ARID2: variants seen among roughly 807,000 people sequenced by gnomAD.
The protein encoded by ARID2 is AT-rich interactive domain-containing protein 2.
ARID2 carries 32 observed loss-of-function variants against 184.6 expected under a neutral mutation model. The ratio of observed to expected loss-of-function variants is 0.17; its 90% confidence interval spans 0.13 to 0.23. The LOEUF (loss-of-function observed/expected upper bound fraction) is 0.23. ARID2 is among the 10% of genes least tolerant of loss of function. ARID2 has a pLI of 1.00. For synonymous variants in ARID2, 836 were observed against 772.6 expected, an observed-to-expected ratio of 1.08 and a Z score of -1.36; for missense variants, 1,696 against 2,197.6, an observed-to-expected ratio of 0.77 and a Z score of 4.56.
intron 3 of ARID2, among the ~76,000 whole-genome samples, chr12:45,764,961 A>G (rs1176625996): frequency 6.6e-6 from 1 of 152,230 alleles, no homozygotes; most frequent in African/African-American, 2.4e-5. Context: ...TTGTGTTTCC[A>G]TTAGCAATAT....
At position 45,837,698 on chromosome 12, in the gene ARID2, A is replaced by G. The variant is rs546650811; in HGVS notation, c.1321A>G (p.Lys441Glu). ...TTGCACAAAAATTGCAAAAGTAGAA[A>G]AGAGCATAGGTAAGACTGGACCAAA... ...VACTKIAKVEKSIDMLVCLVS... is the reference protein window; with the variant it reads ...VACTKIAKVEESIDMLVCLVS... The change falls in exon 10 of 21, where the codon AAG becomes GAG. Residue 441 changes from lysine (K) to glutamate (E), a missense_variant. This residue lies in a region of ARID2 where 86 missense variants were observed against 200.8 expected (regional missense o/e 0.43). Coordinates refer to ENST00000334344, the MANE Select transcript of ARID2 (RefSeq NM_152641.4). 1 of 1,613,604 alleles carries G rather than the reference A, an allele frequency of 6.2e-7. No individual in the cohort carries two copies. The highest frequency in any genetic ancestry group is 2.2e-5 in the East Asian group (1 of 44,834).
intron 16 of ARID2, among the ~76,000 whole-genome samples, chr12:45,875,228 G>C (rs567261827): frequency 8.5e-5 from 13 of 152,330 alleles, no homozygotes; most frequent in African/African-American, 3.1e-4. Flanking sequence ...AGCTCCATCA[G>C]AGCTCTTGGG....
intron 11 of ARID2, among the ~76,000 whole-genome samples, chr12:45,843,768 C>T (rs1943394053): frequency 6.6e-6 from 1 of 152,156 alleles, no homozygotes; most frequent in African/African-American, 2.4e-5. Context: ...AAAACCTTGA[C>T]ACTGCAGATT....
chr12:45,758,514 A>G (rs963454518), intron 3 of ARID2, among the ~76,000 whole-genome samples: 9 of 152,198 alleles, frequency 5.9e-5, no homozygotes, highest in East Asian at 1.9e-4. Context: ...ACAAGATAAT[A>G]GTTGGTGTTC....
chr12:45,865,956 A>G (rs1463208736), intron 16 of ARID2, among the ~76,000 whole-genome samples: 27 of 152,152 alleles, frequency 1.8e-4, no homozygotes, highest in Admixed American at 1.8e-3. Flanking sequence ...AGCTTTTAAA[A>G]AATTTAAATT....
intron 5 of ARID2, among the ~76,000 whole-genome samples, chr12:45,821,067 C>A (rs1942885745): frequency 6.6e-6 from 1 of 151,914 alleles, no homozygotes; most frequent in Non-Finnish European, 1.5e-5. Context: ...TAAATGATAA[C>A]CTGGAAATTT....
chr12:45,808,745 GTGTGTGTGTGTGTGTA>G (rs1228020725), intron 3 of ARID2, among the ~76,000 whole-genome samples: 4 of 151,868 alleles, frequency 2.6e-5, no homozygotes, highest in African/African-American at 4.8e-5. Flanking sequence ...GCGTGTGTGT[GTGTGTGTGTGTGTGTA>G]TGTGTGTGTG....
At chr12:45,887,924 G>A (rs1268145950) in intron 16 of ARID2, among the ~76,000 whole-genome samples, 1 of 152,198 alleles carries the variant, frequency 6.6e-6, no homozygotes, top group African/African-American at 2.4e-5. Flanking sequence ...GATGAATAAT[G>A]ACTGAAGATC....
chr12:45,783,204 A>G (rs1450400380), intron 3 of ARID2, among the ~76,000 whole-genome samples: 1 of 152,204 alleles, frequency 6.6e-6, no homozygotes, highest in Non-Finnish European at 1.5e-5. Context: ...GATGGAAAGT[A>G]GTCTGATTAA....
At chr12:45,837,012 T>TA (rs1347329687) in intron 8 of ARID2, 21 bp downstream of exon 8, 1 of 1,598,780 alleles carries the variant, frequency 6.3e-7, no homozygotes, top group Non-Finnish European at 8.5e-7. Context: ...GACTGTACCT[T>TA]AAACTAGTTT....
At chr12:45,845,271 A>G (rs1238998118) in intron 11 of ARID2, among the ~76,000 whole-genome samples, 2 of 152,196 alleles carry the variant, frequency 1.3e-5, no homozygotes, top group Non-Finnish European at 2.9e-5. Flanking sequence ...AGATTTCTAC[A>G]CAGTTTCAGG....
intron 3 of ARID2, among the ~76,000 whole-genome samples, chr12:45,771,908 G>A (rs1941884998): frequency 6.6e-6 from 1 of 151,966 alleles, no homozygotes; most frequent in South Asian, 2.1e-4. Flanking sequence ...TAAAAAAGTT[G>A]TAAAATTATG....
At chr12:45,899,711 T>TTATATATATATATGGTTA (rs1223363269) in intron 20 of ARID2, among the ~76,000 whole-genome samples, 8 of 132,958 alleles carry the variant, frequency 6.0e-5, no homozygotes, top group African/African-American at 2.3e-4. Context: ...ATATATATGG[T>TTATATATATATATGGTTA]TATATATATA....
At chr12:45,832,786 T>TC (rs1374160879) in intron 6 of ARID2, among the ~76,000 whole-genome samples, 1 of 152,170 alleles carries the variant, frequency 6.6e-6, no homozygotes, top group East Asian at 1.9e-4. Context: ...AACTAAAAAA[T>TC]TAAAAGAAGA....
chr12:45,775,051 A>G (rs1941949301), intron 3 of ARID2, among the ~76,000 whole-genome samples: 1 of 152,132 alleles, frequency 6.6e-6, no homozygotes, highest in African/African-American at 2.4e-5. Flanking sequence ...CCCCCCATAA[A>G]GAAGAATTAT....
intron 4 of ARID2, among the ~76,000 whole-genome samples, chr12:45,817,457 C>T (rs1361287138): frequency 5.4e-5 from 8 of 148,490 alleles, no homozygotes; most frequent in Admixed American, 2.0e-4. Flanking sequence ...AATACCTTTT[C>T]AAGAATGTAA....
At chr12:45,898,244 A>G (rs1292172552) in intron 20 of ARID2, among the ~76,000 whole-genome samples, 1 of 152,216 alleles carries the variant, frequency 6.6e-6, no homozygotes, top group Non-Finnish European at 1.5e-5. Flanking sequence ...GCATAGAGAC[A>G]GAAAGTAGAA....
chr12:45,801,175 G>T (rs1176802815), intron 3 of ARID2, among the ~76,000 whole-genome samples: 2 of 152,130 alleles, frequency 1.3e-5, no homozygotes, highest in South Asian at 2.1e-4. Flanking sequence ...AGCCACGCGC[G>T]GTGGTAGGCG....
chr12:45,734,449 G>A (rs1391879421), intron 3 of ARID2, among the ~76,000 whole-genome samples: 7 of 152,080 alleles, frequency 4.6e-5, no homozygotes, highest in Admixed American at 2.6e-4. Context: ...TTATTTTCAT[G>A]TAGTTCCTTT....
Sources: gnomAD v4.1 joint callset for allele counts (sites outside exome capture counted in the v4.1 genomes callset) on GRCh38, gnomAD v4.1.1 for gene constraint, gnomAD v4.1.1 regional missense constraint, MANE v1.5 for transcripts, NCBI Gene and HGNC (gene_info 2026-07-23, HGNC 2026-07-21) for gene names.